SEMA3E: variants seen among roughly 807,000 people sequenced by gnomAD.
The protein encoded by SEMA3E is semaphorin-3E.
SEMA3E carries 49 observed loss-of-function variants against 93.6 expected under a neutral mutation model. The ratio of observed to expected loss-of-function variants is 0.52; its 90% CI spans 0.42 to 0.66. The LOEUF is 0.66. SEMA3E is among the 30% of genes least tolerant of loss of function. The pLI, the probability that SEMA3E is intolerant of heterozygous loss-of-function variation, is 0.00. For synonymous variants in SEMA3E, 363 were observed against 330.7 expected, an observed-to-expected ratio of 1.10 and a Z score of -1.06; for missense variants, 906 against 964.8, an observed-to-expected ratio of 0.94 and a Z score of 0.81.
intron 1 of SEMA3E, among the ~76,000 whole-genome samples, chr7:83,573,610 T>C (rs1039663897): frequency 2.0e-5 from 3 of 152,026 alleles, no homozygotes; most frequent in African/African-American, 7.2e-5. Context: ...ATAAACATCT[T>C]TGTAATTTTC....
intron 1 of SEMA3E, among the ~76,000 whole-genome samples, chr7:83,627,897 G>A (rs970326043): frequency 4.6e-5 from 7 of 152,068 alleles, no homozygotes; most frequent in African/African-American, 1.7e-4. Context: ...AGTTGATGCG[G>A]TTACTTCATA....
chr7:83,461,697 T>C (rs1390324724), intron 4 of SEMA3E, among the ~76,000 whole-genome samples: 1 of 152,160 alleles, frequency 6.6e-6, no homozygotes, highest in Non-Finnish European at 1.5e-5. Flanking sequence ...AAATACATTT[T>C]ATTACCCAAT....
chr7:83,453,470 C>A (rs532373080), intron 4 of SEMA3E, among the ~76,000 whole-genome samples: 2 of 149,704 alleles, frequency 1.3e-5, no homozygotes, highest in Non-Finnish European at 1.5e-5. Flanking sequence ...TTTTTATGGC[C>A]CGTAATCTCC....
intron 1 of SEMA3E, among the ~76,000 whole-genome samples, chr7:83,643,079 A>AT (rs901763741): frequency 6.6e-5 from 10 of 152,060 alleles, no homozygotes; most frequent in African/African-American, 2.4e-4. Context: ...GACTGAGCAG[A>AT]TTGTTAGCAA....
chr7:83,418,322 C>G, intron 5 of SEMA3E, 68 bp downstream of exon 5: 1 of 1,083,282 alleles, frequency 9.2e-7, no homozygotes, highest in Non-Finnish European at 1.4e-6. Context: ...AAGAATGTAA[C>G]TGAAGTTGAA....
intron 1 of SEMA3E, among the ~76,000 whole-genome samples, chr7:83,491,192 A>T (rs188519906): frequency 1.3e-3 from 195 of 152,222 alleles, no homozygotes; most frequent in Non-Finnish European, 2.6e-4. Context: ...GATAATATAA[A>T]GTAGGACAAA....
intron 1 of SEMA3E, 90 bp from the exon 2 acceptor site, chr7:83,490,364 T>C (rs1447181331): frequency 3.8e-6 from 5 of 1,315,872 alleles, no homozygotes; most frequent in South Asian, 3.7e-5. Flanking sequence ...TTCATCCCTA[T>C]TGGAACTGAG....
intron 2 of SEMA3E, among the ~76,000 whole-genome samples, chr7:83,486,422 T>TA (rs982144042): frequency 9.9e-5 from 15 of 151,910 alleles, no homozygotes; most frequent in African/African-American, 1.7e-4. Context: ...GGGAGAGATT[T>TA]AAAAAAAATG....
intron 1 of SEMA3E, among the ~76,000 whole-genome samples, chr7:83,501,069 A>G (rs1278924391): frequency 6.6e-6 from 1 of 152,230 alleles, no homozygotes; most frequent in Admixed American, 6.5e-5. Context: ...TAGCTCTTAT[A>G]CAATATTTAA....
intron 16 of SEMA3E, chr7:83,372,369 A>G: frequency 2.5e-6 from 1 of 397,566 alleles, no homozygotes; most frequent in Non-Finnish European, 4.4e-6. Context: ...AGAGTGAATA[A>G]TACATGAGAA....
Position 83,367,847 on chromosome 7 carries a change from G to A in SEMA3E, c.2067C>T (p.Asp689=). 6.2e-7 allele frequency: 1 copy of A among 1,613,398 alleles called. No homozygotes were observed. The highest frequency in any genetic ancestry group is 8.5e-7 in the Non-Finnish European group (1 of 1,179,530). ...EDMFNKDDEE[D]RHHRMPCPAQ... ...CAGGACAAGGCATCCTGTGATGCCTGTCCTCCTCATCGTCCTTGTTAAACA... is the reference window on the plus strand; with the variant it reads ...CAGGACAAGGCATCCTGTGATGCCTATCCTCCTCATCGTCCTTGTTAAACA... Residue 689 remains aspartate (D), a synonymous_variant, in exon 17 of 17, where the codon GAC becomes GAT. Transcript: ENST00000643230.
At chr7:83,392,364 T>A (rs1195483360) in intron 14 of SEMA3E, among the ~76,000 whole-genome samples, 191 bp downstream of exon 14, 1 of 151,890 alleles carries the variant, frequency 6.6e-6, no homozygotes, top group African/African-American at 2.4e-5. Flanking sequence ...GCAGCAAAAG[T>A]TTCAAAAGAG....
chr7:83,500,789 C>T (rs1323999966), intron 1 of SEMA3E, among the ~76,000 whole-genome samples: 1 of 151,830 alleles, frequency 6.6e-6, no homozygotes, highest in Non-Finnish European at 1.5e-5. Context: ...TGGGGTTTCA[C>T]CATGTTGGTC....
intron 1 of SEMA3E, among the ~76,000 whole-genome samples, chr7:83,588,387 AAAG>A (rs993611730): frequency 1.1e-4 from 17 of 152,114 alleles, no homozygotes; most frequent in South Asian, 2.1e-4. Flanking sequence ...CTAAAAAAAA[AAAG>A]AAGAAGAAGA....
chr7:83,407,233 T>G lies in SEMA3E; in HGVS notation c.677A>C (p.Lys226Thr), dbSNP rs1217138849. The G allele has an allele frequency of 6.2e-7, 1 of 1,612,934 alleles. No individual in the cohort carries two copies. The highest frequency in any genetic ancestry group is 1.7e-5 in the Admixed American group (1 of 59,856). ...HDDERLLKEP[K>T]FVGSYMIPDN... Reference sequence around the variant, plus strand: ...AGGAATCATGTATGAACCTACAAATTTTGGTTCTATAGGAGCAAAAAATAG... The same window carrying G: ...AGGAATCATGTATGAACCTACAAATGTTGGTTCTATAGGAGCAAAAAATAG... The change falls in exon 7 of 17, where the codon AAA (lysine) becomes ACA (threonine). Residue 226 changes from lysine (K) to threonine (T), a missense_variant. Coordinates refer to ENST00000643230, the MANE Select transcript of SEMA3E (RefSeq NM_012431.3).
At chr7:83,419,217 T>G (rs1420769361) in intron 4 of SEMA3E, among the ~76,000 whole-genome samples, 1 of 152,200 alleles carries the variant, frequency 6.6e-6, no homozygotes, top group Admixed American at 6.5e-5. Flanking sequence ...TTTGCTGAAA[T>G]GGACATGATT....
At chr7:83,408,596 A>C in intron 5 of SEMA3E, 109 bp from the exon 6 acceptor site, 1 of 1,205,622 alleles carries the variant, frequency 8.3e-7, no homozygotes. Context: ...TATGACATTA[A>C]TACTATTGCT....
At chr7:83,516,971 T>C (rs1400598977) in intron 1 of SEMA3E, among the ~76,000 whole-genome samples, 1 of 143,754 alleles carries the variant, frequency 7.0e-6, no homozygotes, top group Non-Finnish European at 1.6e-5. Flanking sequence ...ATATAAAATA[T>C]AGAAAGGGAA....
chr7:83,547,144 C>G (rs1267106610), intron 1 of SEMA3E, among the ~76,000 whole-genome samples: 2 of 152,100 alleles, frequency 1.3e-5, no homozygotes, highest in Non-Finnish European at 2.9e-5. Context: ...TCTTAGAATA[C>G]TGATTTAACA....
Sources: allele counts gnomAD v4.1 joint callset (sites outside exome capture counted in the v4.1 genomes callset), GRCh38; gene constraint gnomAD v4.1.1; transcripts MANE v1.5; gene names NCBI Gene and HGNC (gene_info 2026-07-23, HGNC 2026-07-21).